Variants in DNAJC10 observed in about 807,000 individuals in gnomAD.
The protein encoded by DNAJC10 is endoplasmic reticulum disulfide reductase DNAJC10.
In DNAJC10, 101 loss-of-function variants were observed where a neutral mutation model predicts 115.0. The observed-to-expected ratio is 0.88, with a 90% CI of 0.75 to 1.04. DNAJC10 has a LOEUF of 1.04. Ranked by LOEUF, DNAJC10 falls within the 50% of genes least tolerant of loss-of-function variation. The probability of loss-of-function intolerance (pLI) is 0.00; values close to 1 mark genes in which losing one functional copy is unlikely to be tolerated. For synonymous variants in DNAJC10, 307 were observed against 301.5 expected (o/e 1.02, Z -0.19); for missense variants, 981 against 928.8 (o/e 1.06, Z -0.73).
chr2:182,742,793 G>C (rs558153820), intron 13 of DNAJC10, among the ~76,000 whole-genome samples: 19 of 151,422 alleles, frequency 1.3e-4, no homozygotes, highest in Admixed American at 9.9e-4. Flanking sequence ...CTTTATATCT[G>C]TGGCCCATTT....
At chr2:182,729,735 G>C in intron 7 of DNAJC10, 113 bp from the exon 8 acceptor site, 1 of 585,680 alleles carries the variant, frequency 1.7e-6, no homozygotes, top group Non-Finnish European at 2.9e-6. Flanking sequence ...TTGAGAAATA[G>C]AGCTTTGCTG....
intron 22 of DNAJC10, among the ~76,000 whole-genome samples, chr2:182,772,156 T>C (rs1302875894): frequency 6.6e-6 from 1 of 152,256 alleles, no homozygotes; most frequent in East Asian, 1.9e-4. Flanking sequence ...TCCTGAGTTC[T>C]AATTTGATTG....
intron 11 of DNAJC10, 79 bp downstream of exon 11, chr2:182,736,465 G>T: frequency 1.9e-6 from 2 of 1,064,310 alleles, no homozygotes; most frequent in Non-Finnish European, 2.5e-6. Context: ...TTTGTAAGCA[G>T]TGAGCAAAGA....
chr2:182,721,897 TTC>T (rs1057222078), intron 4 of DNAJC10, 126 bp from the exon 5 acceptor site: 1 of 523,418 alleles, frequency 1.9e-6, no homozygotes, highest in African/African-American at 2.0e-5. Flanking sequence ...ATGTTGCATA[TTC>T]TCTAAGTTTG....
intron 4 of DNAJC10, among the ~76,000 whole-genome samples, chr2:182,721,741 C>A (rs1162221317): frequency 6.6e-6 from 1 of 151,886 alleles, no homozygotes; most frequent in Non-Finnish European, 1.5e-5. Flanking sequence ...TTTTTAAAAC[C>A]ATAATATAAA....
intron 15 of DNAJC10, 136 bp from the exon 16 acceptor site, chr2:182,751,936 A>G: frequency 1.7e-6 from 2 of 1,196,538 alleles, no homozygotes; most frequent in South Asian, 1.4e-5. Context: ...AATGAGTGCT[A>G]ATGTAATTAC....
Position 182,718,301 on chromosome 2 carries a change from G to T in DNAJC10, c.204+11G>T, listed in dbSNP as rs751384174. 6.4e-7 allele frequency: 1 copy of T among 1,562,362 alleles called. No individual in the cohort carries two copies. The highest frequency in any genetic ancestry group is 1.2e-5 in the South Asian group (1 of 81,830). On this transcript the variant is annotated intron_variant, in intron 3 of 23. Transcript: ENST00000264065. Reference sequence around the variant, plus strand: ...CCTGATAAAAACCCGGTAGGTAAACGTTTGTTTTTAAAAATATTTGATTAT... The same window carrying T: ...CCTGATAAAAACCCGGTAGGTAAACTTTTGTTTTTAAAAATATTTGATTAT...
At chr2:182,759,635 G>C (rs1034161168) in intron 21 of DNAJC10, among the ~76,000 whole-genome samples, 1 of 151,950 alleles carries the variant, frequency 6.6e-6, no homozygotes, top group Admixed American at 6.6e-5. Context: ...GATTGTGTCA[G>C]TTTTATCCCC....
At chr2:182,764,163 A>G (rs565084155) in intron 22 of DNAJC10, among the ~76,000 whole-genome samples, 5 of 152,308 alleles carry the variant, frequency 3.3e-5, no homozygotes, top group Admixed American at 2.6e-4. Flanking sequence ...GCCAATCACA[A>G]TGTAAATTTT....
chr2:182,743,429 T>A (rs1274503281), intron 13 of DNAJC10, among the ~76,000 whole-genome samples, 169 bp from the exon 14 acceptor site: 1 of 152,240 alleles, frequency 6.6e-6, no homozygotes, highest in Non-Finnish European at 1.5e-5. Flanking sequence ...AAATTGAGTC[T>A]TAATATTAAA....
chr2:182,750,535 A>G (rs754484497), intron 14 of DNAJC10, among the ~76,000 whole-genome samples: 67 of 152,172 alleles, frequency 4.4e-4, no homozygotes, highest in Non-Finnish European at 6.8e-4. Flanking sequence ...CCATGTGTCA[A>G]CGACAGAGAC....
Position 182,793,176 on chromosome 2 carries a change from T to C in DNAJC10, c.*16044T>C, listed in dbSNP as rs1695083139. ...CCAGAGGACAGGCTCCAAGGCATGC[T>C]TGGCAGGTTCAAGGAACAGCAGGGA... is the stretch of plus-strand genomic sequence containing the variant. On this transcript the variant is annotated 3_prime_UTR_variant, in exon 24 of 24. Coordinates refer to ENST00000264065, the MANE Select transcript of DNAJC10 (RefSeq NM_018981.4). The C allele has an allele frequency of 6.6e-6, 1 of 152,062 alleles. No homozygotes were observed. Among genetic ancestry groups the C allele is most frequent in the Admixed American group, 6.6e-5 (1 of 15,242 alleles). The allele number at this position is 152,062 out of a possible 1,614,324, so 9.4% of individuals were successfully genotyped here. A position where few individuals can be genotyped will look rare whatever the true frequency, so the allele number is the denominator to read the frequency against.
chr2:182,749,714 T>A (rs755539414), intron 14 of DNAJC10, among the ~76,000 whole-genome samples: 1 of 152,224 alleles, frequency 6.6e-6, no homozygotes, highest in Non-Finnish European at 1.5e-5. Context: ...TTTAAAAGTG[T>A]TTGCAGTGGA....
chr2:182,755,862 T>C (rs1281496367), intron 17 of DNAJC10, among the ~76,000 whole-genome samples: 3 of 152,204 alleles, frequency 2.0e-5, no homozygotes, highest in Non-Finnish European at 4.4e-5. Flanking sequence ...TGCAGAAACT[T>C]AAAGTTGCCT....
Position 182,718,108 on chromosome 2 carries a change from G to T in DNAJC10, c.22G>T (p.Asp8Tyr). ...GAGAATGGGAGTCTGGTTAAATAAA[G>T]ATGACTATATCAGAGACTTGAAAAG... Reference protein sequence around the residue: MGVWLNKDDYIRDLKRII... With the variant: MGVWLNKYDYIRDLKRII... The change falls in exon 3 of 24, where the codon GAT (aspartate) becomes TAT (tyrosine). Residue 8 changes from aspartate (D) to tyrosine (Y), a missense_variant. Coordinates refer to ENST00000264065, the MANE Select transcript of DNAJC10 (RefSeq NM_018981.4). 1.2e-6 allele frequency: 2 copies of T among 1,605,608 alleles called. No individual in the cohort carries two copies. The highest frequency in any genetic ancestry group is 1.7e-6 in the Non-Finnish European group (2 of 1,176,012).
At chr2:182,753,814 C>G (rs1694089085) in intron 16 of DNAJC10, among the ~76,000 whole-genome samples, 1 of 151,946 alleles carries the variant, frequency 6.6e-6, no homozygotes, top group Admixed American at 6.6e-5. Flanking sequence ...GATCTCCTGA[C>G]CTCGTGATCC....
At chr2:182,769,694 G>C (rs574134325) in intron 22 of DNAJC10, among the ~76,000 whole-genome samples, 3 of 151,972 alleles carry the variant, frequency 2.0e-5, no homozygotes, top group African/African-American at 7.2e-5. Context: ...AAATTTGTTT[G>C]AGTTCTTTGT....
intron 11 of DNAJC10, among the ~76,000 whole-genome samples, chr2:182,739,163 G>GAT (rs148212851): frequency 0.022 from 3,070 of 137,072 alleles, 83 homozygotes; most frequent in East Asian, 0.11. Context: ...GAATGTTTAT[G>GAT]ATATATATAT....
Position 182,740,323 on chromosome 2 carries a change from G to T in DNAJC10, c.1012G>T (p.Glu338Ter). 1 of 1,522,810 alleles carries T rather than the reference G, an allele frequency of 6.6e-7. No individual in the cohort carries two copies. Among genetic ancestry groups the T allele is most frequent in the Non-Finnish European group, 8.9e-7 (1 of 1,125,046 alleles). 94.3% of individuals were successfully genotyped at this position (1,522,810 alleles called of 1,614,324 possible). Reference sequence around the variant, plus strand: ...GTTTCTCAACTCATTGGATGCTAAAGAAATATATTTGGAAGTAATACATAA... The same window carrying T: ...GTTTCTCAACTCATTGGATGCTAAATAAATATATTTGGAAGTAATACATAA... ...ILFLNSLDAKEIYLEVIHNLP... is the reference protein window; with the variant it reads ...ILFLNSLDAK Residue 338 changes from glutamate (E) to a stop codon, truncating the protein, a stop_gained, in exon 12 of 24, where the codon GAA becomes TAA. Transcript: ENST00000264065. LOFTEE classifies it high-confidence loss of function.
Sources: allele counts gnomAD v4.1 joint callset (sites outside exome capture counted in the v4.1 genomes callset), GRCh38; gene constraint gnomAD v4.1.1; transcripts MANE v1.5; gene names NCBI Gene and HGNC (gene_info 2026-07-23, HGNC 2026-07-21).